Variants in KIF7 observed in about 807,000 individuals in gnomAD.
KIF7 encodes the protein kinesin family member 7.
A neutral mutation model predicts 135.7 loss-of-function variants in KIF7; 104 were observed. The ratio of observed to expected loss-of-function variants is 0.77; its 90% CI spans 0.65 to 0.90. The LOEUF (loss-of-function observed/expected upper bound fraction) is 0.90. KIF7 is among the 40% of genes least tolerant of loss of function. The probability of loss-of-function intolerance (pLI) is 0.00; values close to 1 mark genes in which losing one functional copy is unlikely to be tolerated. For synonymous variants in KIF7, 883 were observed against 809.4 expected, an observed-to-expected ratio of 1.09 and a Z score of -1.54; for missense variants, 2,005 against 1,839.1, an observed-to-expected ratio of 1.09 and a Z score of -1.65.
chr15:89,631,388 C>T lies in KIF7; in HGVS notation c.3111+107G>A, dbSNP rs554489130. 38 of 1,056,472 alleles carry T rather than the reference C, an allele frequency of 3.6e-5. No individual in the cohort carries two copies. The East Asian group carries it at 7.9e-4, about 22-fold the overall frequency. The allele number at this position is 1,056,472 out of a possible 1,614,324, so 65.4% of individuals were successfully genotyped here. ...CCTAACAGTGAAAACTTGGGTCTGC[C>T]GACAGCAAGGCCCAGCACCCGCAGA... is the stretch of plus-strand genomic sequence containing the variant. On this transcript the variant is annotated intron_variant, in intron 15 of 18. Transcript: ENST00000394412.
chr15:89,619,854 G>GC lies in KIF7; in HGVS notation c.181-1660dup. The GC allele has an allele frequency of 1.9e-6, 3 of 1,599,730 alleles. No individual in the cohort carries two copies. In the Admixed American group the frequency reaches 5.3e-5, roughly 28 times the overall value. On this transcript the variant is annotated intron_variant and NMD_transcript_variant, in intron 1 of 2. Coordinates refer to the KIF7 transcript ENST00000558928. ...GCAAGATAAGTCAGGTAACATACGG[G>GC]CCCCTCTGCCTTCACAAGTCCGTGC... is the stretch of plus-strand genomic sequence containing the variant.
chr15:89,623,576 C>T (rs1963459033), downstream of KIF7: 1 of 1,539,822 alleles, frequency 6.5e-7, no homozygotes, highest in Non-Finnish European at 8.7e-7. Context: ...CTTCAGAGAT[C>T]ATGAGTTATA....
At chr15:89,625,575 C>T (rs761244040), downstream of KIF7, 2 of 1,613,012 alleles carry the variant, frequency 1.2e-6, no homozygotes, top group South Asian at 2.2e-5. Flanking sequence ...CCAGGAACAG[C>T]ATGCCTAAGG....
rs577612220 is a variant in KIF7 at position 89,632,091 on chromosome 15, G to C, written c.2896-381C>G. 4.6e-5 allele frequency among the ~76,000 whole-genome samples: 7 copies of C among 152,348 alleles called. No homozygotes were observed. The East Asian group carries it at 7.7e-4, about 17-fold the overall frequency. ...GGAGCCAGATGCGGGAGGAAGTGAG[G>C]GCTCTCCTGGCGGAGGGAAGTTACG... On this transcript the variant is annotated intron_variant, in intron 14 of 18. Coordinates refer to ENST00000394412, the MANE Select transcript of KIF7 (RefSeq NM_198525.3).
intron 4 of KIF7, 81 bp downstream of exon 4, chr15:89,648,893 G>T: frequency 6.8e-7 from 1 of 1,462,114 alleles, no homozygotes; most frequent in Non-Finnish European, 9.0e-7. Context: ...CAGGGGACCT[G>T]GGCTTCCACC....
chr15:89,648,341 C>G lies in KIF7; in HGVS notation c.1357G>C (p.Ala453Pro). The G allele has an allele frequency of 1.4e-6, 2 of 1,479,652 alleles. No individual in the cohort carries two copies. Among genetic ancestry groups the G allele is most frequent in the South Asian group, 2.5e-5 (2 of 80,854 alleles). The allele number at this position is 1,479,652 out of a possible 1,614,324, so 91.7% of individuals were successfully genotyped here. ...TCGGGCCCGGAGGCGGAGCTCAGGG[C>G]GCTGCGCTCGCCCTCGACGGCGCAC... ...WLCAVEGERS[A>P]LSSASGPDSG... Residue 453 changes from alanine (A) to proline (P), a missense_variant, in exon 5 of 19, where the codon GCC (alanine) becomes CCC (proline). Transcript: ENST00000394412.
At position 89,628,557 on chromosome 15, in the gene KIF7, C is replaced by T. The variant is rs370333561; in HGVS notation, c.3894G>A (p.Ala1298=). ...GCACCCGCCCCACCAGGGGCTCAGCCGCCTCCCGCTGCCTCAGTTCCTCGG... is the reference window on the plus strand; with the variant it reads ...GCACCCGCCCCACCAGGGGCTCAGCTGCCTCCCGCTGCCTCAGTTCCTCGG... ...GSPEELRQRE[A]AEPLVGRVLP... is the part of the protein sequence containing the mutation. Residue 1298 remains alanine (A), a synonymous_variant, in exon 19 of 19, where the codon GCG becomes GCA. Transcript: ENST00000394412. 2.8e-5 allele frequency: 45 copies of T among 1,613,366 alleles called. No individual in the cohort carries two copies. The highest frequency in any genetic ancestry group is 1.9e-4 in the South Asian group (17 of 91,090).
In KIF7 at chr15:89,630,402, C is replaced by G. The variant is rs767837351; in HGVS notation, c.3203G>C (p.Arg1068Pro). Residue 1068 changes from arginine to proline, a missense_variant, in exon 16 of 19, where the codon CGG becomes CCG. Physicochemically the swap from Arg to Pro is moderately radical, Grantham distance 103. Coordinates refer to ENST00000394412, the MANE Select transcript of KIF7 (RefSeq NM_198525.3). The part of the protein sequence containing the change: ...YKNEAITCRQ[R>P]VLRASASLLS... ...CAACGAGGCTGAGGCCCGAAGCACC[C>G]GCTGGCGGCATGTGATGGCCTCATT... is the stretch of plus-strand genomic sequence containing the variant. 1.2e-6 allele frequency: 2 copies of G among 1,612,118 alleles called. No homozygotes were observed. Among genetic ancestry groups the G allele is most frequent in the East Asian group, 4.5e-5 (2 of 44,848 alleles).
intron 1 of KIF7, among the ~76,000 whole-genome samples, chr15:89,620,026 T>G (rs1963399243): frequency 6.6e-6 from 1 of 152,198 alleles, no homozygotes; most frequent in Non-Finnish European, 1.5e-5. Context: ...CAGTCATCCC[T>G]AGGACTCCTA....
the KIF7 span, among the ~76,000 whole-genome samples, chr15:89,661,881 C>T: frequency 7.2e-5 from 11 of 152,092 alleles, no homozygotes; most frequent in East Asian, 1.9e-4. Flanking sequence ...ATTACAGGTG[C>T]GTGCCACCAC....
intron 11 of KIF7, among the ~76,000 whole-genome samples, chr15:89,640,931 A>G (rs924505823): frequency 6.6e-6 from 1 of 152,024 alleles, no homozygotes; most frequent in African/African-American, 2.4e-5. Context: ...TGAACCCAGG[A>G]GGCGGAGGTT....
chr15:89,639,843 G>C (rs1234372431), intron 11 of KIF7, among the ~76,000 whole-genome samples: 2 of 152,074 alleles, frequency 1.3e-5, no homozygotes, highest in East Asian at 1.9e-4. Context: ...ACATGCACAT[G>C]TATGTTTATT....
At chr15:89,647,176 C>G in intron 6 of KIF7, 119 bp from the exon 7 acceptor site, 1 of 836,122 alleles carries the variant, frequency 1.2e-6, no homozygotes, top group Non-Finnish European at 1.9e-6. Context: ...TGAGGAGTGT[C>G]AAATACTCCT....
Position 89,633,122 on chromosome 15 carries a change from G to C in KIF7, c.2718+19C>G, listed in dbSNP as rs200126841. Reference sequence around the variant, plus strand: ...CAGCCCCCAGGGGAGCCCTGGGTGCGGACACAGCCTGGCCCCACCTGCTGC... The same window carrying C: ...CAGCCCCCAGGGGAGCCCTGGGTGCCGACACAGCCTGGCCCCACCTGCTGC... On this transcript the variant is annotated intron_variant, in intron 13 of 18. Coordinates refer to ENST00000394412, the MANE Select transcript of KIF7 (RefSeq NM_198525.3). 1 of 1,601,628 alleles carries C rather than the reference G, an allele frequency of 6.2e-7. No homozygotes were observed. The highest frequency in any genetic ancestry group is 8.5e-7 in the Non-Finnish European group (1 of 1,179,752).
At chr15:89,624,311 C>A (rs369289003), downstream of KIF7, 13 of 1,614,184 alleles carry the variant, frequency 8.1e-6, no homozygotes, top group Middle Eastern at 1.6e-4. Flanking sequence ...GAGTGTCCTT[C>A]CCCAGGAGAA....
At position 89,647,570 on chromosome 15, in the gene KIF7, C is replaced by G. The variant is rs1434401879; in HGVS notation, c.1560+26G>C. 3 of 1,589,528 alleles carry G rather than the reference C, an allele frequency of 1.9e-6. No homozygotes were observed. The Admixed American group carries it at 5.0e-5, about 26-fold the overall frequency. On this transcript the variant is annotated intron_variant, in intron 6 of 18. Coordinates refer to ENST00000394412, the MANE Select transcript of KIF7 (RefSeq NM_198525.3). ...CTTCATCCTCCTCTGGGAAGCCTTC[C>G]CCGCACTGTGAAGCGGGCGCCGCAC...
In KIF7 at chr15:89,629,380, C is replaced by T; in HGVS notation, c.3512G>A (p.Ser1171Asn). 2 of 1,595,370 alleles carry T rather than the reference C, an allele frequency of 1.3e-6. No individual in the cohort carries two copies. The highest frequency in any genetic ancestry group is 2.2e-5 in the East Asian group (1 of 44,700). ...CCATGGGCCGGGCTGCTCACCTCGA[C>T]TCTGCTGCAGGAGCAGCTGCATGTT... ...EQNMQLLLQQ[S>N]RDHLGEGLAD... is the part of the protein sequence containing the mutation. The change falls in exon 17 of 19, where the codon AGT becomes AAT. Residue 1171 changes from serine (S) to asparagine (N), a missense_variant. By Grantham distance (46) the Ser-to-Asn change is conservative. Transcript: ENST00000394412.
rs1345665007 is a variant in KIF7, at chr15:89,628,260, T to C, written c.*159A>G. On this transcript the variant is annotated 3_prime_UTR_variant, in exon 19 of 19. Transcript: ENST00000394412. ...TTTGTTAAATGAGGGTCCAGTTCTT[T>C]TGGGCCATGGCCCAAATTTGTTGAT... 1.3e-5 allele frequency: 11 copies of C among 845,486 alleles called. No individual in the cohort carries two copies. The highest frequency in any genetic ancestry group is 1.8e-5 in the Non-Finnish European group (10 of 554,924). The allele number at this position is 845,486 out of a possible 1,614,324, so 52.4% of individuals were successfully genotyped here.
chr15:89,662,768 G>A, the KIF7 span, among the ~76,000 whole-genome samples: 265 of 152,298 alleles, frequency 1.7e-3, 11 homozygotes, highest in South Asian at 0.054. Flanking sequence ...GTCCCCCATT[G>A]AGCCTAGAGC....
Sources: allele counts gnomAD v4.1 joint callset (sites outside exome capture counted in the v4.1 genomes callset), GRCh38; gene constraint gnomAD v4.1.1; transcripts MANE v1.5; gene names NCBI Gene and HGNC (gene_info 2026-07-23, HGNC 2026-07-21).